Variants in PPP4R2 observed in about 807,000 individuals in gnomAD.
PPP4R2 encodes protein phosphatase 4 regulatory subunit 2, also known as serine/threonine-protein phosphatase 4 regulatory subunit 2.
Under a neutral mutation model 47.2 loss-of-function variants are expected in PPP4R2, and 13 were observed. The ratio of observed to expected loss-of-function variants is 0.28; its 90% CI spans 0.18 to 0.44. The LOEUF (loss-of-function observed/expected upper bound fraction) is 0.44. PPP4R2 is among the 20% of genes least tolerant of loss of function. The probability of loss-of-function intolerance (pLI) is 1.00; values close to 1 mark genes in which losing one functional copy is unlikely to be tolerated. For synonymous variants in PPP4R2, 151 were observed against 163.3 expected (o/e 0.92, Z 0.57); for missense variants, 421 against 491.2 (o/e 0.86, Z 1.35).
intron 4 of PPP4R2, 117 bp from the exon 5 acceptor site, chr3:73,060,906 G>T (rs1179916694): frequency 5.0e-6 from 3 of 601,526 alleles, no homozygotes; most frequent in African/African-American, 2.0e-5. Flanking sequence ...TCCTTTACTA[G>T]CAAAATTAGA....
At chr3:73,024,816 GA>G (rs1380825983) in intron 2 of PPP4R2, among the ~76,000 whole-genome samples, 1 of 152,154 alleles carries the variant, frequency 6.6e-6, no homozygotes, top group Admixed American at 6.6e-5. Flanking sequence ...CAGCACAACT[GA>G]TTGTGGTTCA....
At chr3:73,064,810 G>T in intron 7 of PPP4R2, 42 bp from the exon 8 acceptor site, 1 of 1,504,362 alleles carries the variant, frequency 6.6e-7, no homozygotes, top group South Asian at 1.3e-5. Flanking sequence ...AGAAGATGGG[G>T]AAAATAATCT....
At chr3:73,062,203 G>A (rs1382887342) in intron 5 of PPP4R2, 4 of 1,581,568 alleles carry the variant, frequency 2.5e-6, no homozygotes, top group Non-Finnish European at 3.4e-6. Flanking sequence ...AAAGAATTAA[G>A]TCGGAACCAA....
chr3:73,022,985 A>G (rs1322750862), intron 2 of PPP4R2, among the ~76,000 whole-genome samples: 1 of 152,026 alleles, frequency 6.6e-6, no homozygotes, highest in East Asian at 1.9e-4. Context: ...GTTTTAAGAG[A>G]CAGTTTAGTA....
At chr3:73,002,878 G>A (rs1021255422) in intron 2 of PPP4R2, among the ~76,000 whole-genome samples, 2 of 151,722 alleles carry the variant, frequency 1.3e-5, no homozygotes, top group Non-Finnish European at 2.9e-5. Flanking sequence ...TCCTGACCTC[G>A]TGATCCATCC....
At chr3:73,035,237 C>G (rs1444396478) in intron 2 of PPP4R2, among the ~76,000 whole-genome samples, 2 of 151,944 alleles carry the variant, frequency 1.3e-5, no homozygotes, top group East Asian at 3.9e-4. Flanking sequence ...GTTAAATGAC[C>G]ATTATCAAAA....
At chr3:73,004,867 G>GTT (rs1315753023) in intron 2 of PPP4R2, among the ~76,000 whole-genome samples, 4 of 78,500 alleles carry the variant, frequency 5.1e-5, no homozygotes, top group Non-Finnish European at 1.3e-4. Context: ...GTGTGTGTGT[G>GTT]TGTTTGTTTG....
intron 2 of PPP4R2, among the ~76,000 whole-genome samples, chr3:73,031,277 C>T (rs1266201749): frequency 1.3e-5 from 2 of 152,144 alleles, no homozygotes; most frequent in African/African-American, 4.8e-5. Context: ...CGGTGGTTCA[C>T]GCTTGTAATC....
rs1424464936 is a variant in PPP4R2 at position 73,065,427 on chromosome 3, C to A, written c.959C>A (p.Pro320Gln). The A allele has an allele frequency of 6.2e-7, 1 of 1,602,414 alleles. No homozygotes were observed. The highest frequency in any genetic ancestry group is 8.5e-7 in the Non-Finnish European group (1 of 1,174,892). Residue 320 changes from proline (P) to glutamine (Q), a missense_variant, in exon 9 of 9, where the codon CCA (proline) becomes CAA (glutamine). Pro to Gln is a moderately conservative substitution (Grantham distance 76, BLOSUM62 -1). Coordinates refer to ENST00000356692, the MANE Select transcript of PPP4R2 (RefSeq NM_174907.4). Reference sequence around the variant, plus strand: ...TTTATGACATCAAGAGAAATGATCCCAGAAAGAAAAAATCAAGAAAAAGAA... The same window carrying A: ...TTTATGACATCAAGAGAAATGATCCAAGAAAGAAAAAATCAAGAAAAAGAA... ...ESFMTSREMI[P>Q]ERKNQEKESD...
In PPP4R2 at chr3:73,068,098, T is replaced by A. The variant is rs1437823337; in HGVS notation, c.*2376T>A. On this transcript the variant is annotated 3_prime_UTR_variant, in exon 9 of 9. Transcript: ENST00000356692. ...TATTGATGGCCATTTGGAAGTAAATTTCCGCAGGTATTCATAGGTGCACTT... is the reference window on the plus strand; with the variant it reads ...TATTGATGGCCATTTGGAAGTAAATATCCGCAGGTATTCATAGGTGCACTT... 6.6e-6 allele frequency: 1 copy of A among 152,156 alleles called. No individual in the cohort carries two copies. The highest frequency in any genetic ancestry group is 2.4e-5 in the African/African-American group (1 of 41,440). The allele number at this position is 152,156 out of a possible 1,614,324, so 9.4% of individuals were successfully genotyped here. A position where few individuals can be genotyped will look rare whatever the true frequency, so the allele number is the denominator to read the frequency against.
chr3:73,046,355 A>G (rs1031258121), intron 2 of PPP4R2, among the ~76,000 whole-genome samples: 2 of 152,184 alleles, frequency 1.3e-5, no homozygotes, highest in African/African-American at 4.8e-5. Context: ...AATTTGTTTA[A>G]GTAGTCAACC....
chr3:73,004,871 T>TGTG (rs1491041581), intron 2 of PPP4R2, among the ~76,000 whole-genome samples: 167 of 46,452 alleles, frequency 3.6e-3, no homozygotes, highest in African/African-American at 0.011. Flanking sequence ...GTGTGTGTGT[T>TGTG]TGTTTGTTTG....
intron 2 of PPP4R2, among the ~76,000 whole-genome samples, chr3:73,030,943 C>A (rs553974649): frequency 6.6e-6 from 1 of 152,006 alleles, no homozygotes; most frequent in African/African-American, 2.4e-5. Context: ...CTCAGGTGAT[C>A]TGCCCGCCTC....
chr3:73,015,481 CTTT>C (rs11321511), intron 2 of PPP4R2, among the ~76,000 whole-genome samples: 12 of 133,678 alleles, frequency 9.0e-5, no homozygotes, highest in Non-Finnish European at 6.4e-5. Flanking sequence ...AGCCTACTGT[CTTT>C]TTTTTTTTTT....
intron 2 of PPP4R2, among the ~76,000 whole-genome samples, chr3:73,005,692 T>C (rs1212047782): frequency 6.6e-6 from 1 of 151,898 alleles, no homozygotes; most frequent in East Asian, 1.9e-4. Flanking sequence ...CTACTAAAAA[T>C]ACAAAATTTG....
intron 2 of PPP4R2, among the ~76,000 whole-genome samples, chr3:73,023,121 G>A (rs1288841633): frequency 1.3e-5 from 2 of 151,762 alleles, no homozygotes; most frequent in African/African-American, 2.4e-5. Context: ...AATTGTTAAT[G>A]GAACAATACA....
chr3:73,007,215 A>G (rs1701626876), intron 2 of PPP4R2, among the ~76,000 whole-genome samples: 1 of 152,218 alleles, frequency 6.6e-6, no homozygotes, highest in Non-Finnish European at 1.5e-5. Flanking sequence ...TATGCAGAGT[A>G]AATGCTTGAT....
In PPP4R2 at chr3:73,065,381, A is replaced by G. The variant is rs1258599140; in HGVS notation, c.929-16A>G. On this transcript the variant is annotated splice_polypyrimidine_tract_variant and intron_variant, in intron 8 of 8. Coordinates refer to ENST00000356692, the MANE Select transcript of PPP4R2 (RefSeq NM_174907.4). ...GAAAATACAATTTAACTACAACAACATTTGCTTATTTTTAGAGTCTTTTAT... is the reference window on the plus strand; with the variant it reads ...GAAAATACAATTTAACTACAACAACGTTTGCTTATTTTTAGAGTCTTTTAT... 4 of 1,562,692 alleles carry G rather than the reference A, an allele frequency of 2.6e-6. No homozygotes were observed. Among genetic ancestry groups the G allele is most frequent in the East Asian group, 4.5e-5 (2 of 44,336 alleles).
intron 4 of PPP4R2, among the ~76,000 whole-genome samples, chr3:73,060,468 A>G (rs1246840588): frequency 2.0e-5 from 3 of 152,192 alleles, no homozygotes; most frequent in Non-Finnish European, 2.9e-5. Flanking sequence ...GTGGTTAATA[A>G]TAGGGCTGGG....
Sources: gnomAD v4.1 joint callset for allele counts (sites outside exome capture counted in the v4.1 genomes callset) on GRCh38, gnomAD v4.1.1 for gene constraint, MANE v1.5 for transcripts, NCBI Gene and HGNC (gene_info 2026-07-23, HGNC 2026-07-21) for gene names.